The following ELK3 variants were observed in gnomAD, a reference collection of about 807,000 sequenced individuals.
ELK3 encodes ETS transcription factor ELK3.
Under a neutral mutation model 28.9 loss-of-function variants are expected in ELK3, and 10 were observed. The observed-to-expected ratio is 0.35, with a 90% CI of 0.21 to 0.59. The LOEUF (loss-of-function observed/expected upper bound fraction) is 0.59, where lower values mean the gene tolerates loss of function less well. Ranked by LOEUF, ELK3 falls within the 20% of genes least tolerant of loss-of-function variation. The probability of loss-of-function intolerance (pLI) is 0.82; values close to 1 mark genes in which losing one functional copy is unlikely to be tolerated. For missense variants in ELK3, 463 were observed against 517.3 expected (o/e 0.90, Z 1.02); for synonymous variants, 272 against 243.5 (o/e 1.12, Z -1.09).
intron 1 of ELK3, among the ~76,000 whole-genome samples, chr12:96,196,692 A>G (rs981568600): frequency 2.0e-5 from 3 of 151,630 alleles, no homozygotes; most frequent in African/African-American, 7.3e-5. Context: ...CTGAGTTTGA[A>G]AAGTGATGGC....
At chr12:96,228,302 C>T (rs1044249606) in intron 2 of ELK3, among the ~76,000 whole-genome samples, 1 of 150,632 alleles carries the variant, frequency 6.6e-6, no homozygotes, top group African/African-American at 2.4e-5. Context: ...CCTGTGGTCC[C>T]AGTTACTCCA....
chr12:96,211,004 C>T (rs1951574482), intron 1 of ELK3, among the ~76,000 whole-genome samples: 2 of 152,318 alleles, frequency 1.3e-5, no homozygotes, highest in Middle Eastern at 6.8e-3. Context: ...GAGCCAGATG[C>T]CCCTGGATAT....
chr12:96,196,428 G>T (rs1951468573), intron 1 of ELK3, among the ~76,000 whole-genome samples: 1 of 151,920 alleles, frequency 6.6e-6, no homozygotes, highest in African/African-American at 2.4e-5. Context: ...GGGTGGGGGG[G>T]GTGTGGAGCA....
chr12:96,234,926 C>T (rs1162741059), intron 2 of ELK3, among the ~76,000 whole-genome samples: 1 of 152,182 alleles, frequency 6.6e-6, no homozygotes. Context: ...CTGATGATTA[C>T]CCCAAGGGCA....
chr12:96,239,062 T>C lies in ELK3; in HGVS notation c.208-7878T>C, dbSNP rs145631648. ...CTGTGTGACCTTGGGCTAGTCAGCT[T>C]TTTAGTTCCTATTTCTTTCCCTTAA... On this transcript the variant is annotated intron_variant, in intron 2 of 4. Coordinates refer to ENST00000228741, the MANE Select transcript of ELK3 (RefSeq NM_005230.4). 9.7e-3 allele frequency among the ~76,000 whole-genome samples: 1,473 copies of C among 152,274 alleles called. 47 individuals carry two copies. The highest frequency in any genetic ancestry group is 0.06 in the Admixed American group (925 of 15,294).
intron 2 of ELK3, among the ~76,000 whole-genome samples, chr12:96,244,029 A>T (rs1288833732): frequency 6.7e-6 from 1 of 149,754 alleles, no homozygotes; most frequent in African/African-American, 2.5e-5. Context: ...AAAAAAATCT[A>T]TGATTCTGTT....
chr12:96,230,863 C>T (rs1951735907), intron 2 of ELK3, among the ~76,000 whole-genome samples: 1 of 152,182 alleles, frequency 6.6e-6, no homozygotes, highest in Non-Finnish European at 1.5e-5. Context: ...CATCCGAGCT[C>T]CACCAGGGAA....
chr12:96,223,966 A>T, intron 2 of ELK3, 193 bp downstream of exon 2: 1 of 602,312 alleles, frequency 1.7e-6, no homozygotes, highest in Non-Finnish European at 2.9e-6. Context: ...TTTGGATATT[A>T]CTGAGGGTCA....
At chr12:96,249,961 C>T (rs188332433) in intron 3 of ELK3, among the ~76,000 whole-genome samples, 212 of 152,264 alleles carry the variant, frequency 1.4e-3, no homozygotes, top group African/African-American at 5.0e-3. Flanking sequence ...GGTGCCTGGT[C>T]CTCAGCCAAG....
chr12:96,199,207 A>G (rs1292426182), intron 1 of ELK3, among the ~76,000 whole-genome samples: 1 of 152,236 alleles, frequency 6.6e-6, no homozygotes, highest in East Asian at 1.9e-4. Context: ...AAACCAGGTT[A>G]AACTGAAAAT....
intron 2 of ELK3, among the ~76,000 whole-genome samples, chr12:96,238,251 GA>G (rs1481374805): frequency 6.6e-6 from 1 of 152,250 alleles, no homozygotes; most frequent in Non-Finnish European, 1.5e-5. Flanking sequence ...GGACCTGTGT[GA>G]GTGAGGCACT....
intron 1 of ELK3, among the ~76,000 whole-genome samples, chr12:96,210,597 A>ACCCCC (rs1555193042): frequency 4.7e-4 from 70 of 149,060 alleles, no homozygotes; most frequent in Admixed American, 1.9e-3. Flanking sequence ...ACACACACAC[A>ACCCCC]CCCCGAGTGG....
At chr12:96,228,557 G>T (rs771382799) in intron 2 of ELK3, among the ~76,000 whole-genome samples, 1 of 151,942 alleles carries the variant, frequency 6.6e-6, no homozygotes, top group Admixed American at 6.6e-5. Context: ...GCACTTTGTC[G>T]TGCTTTTTAA....
At chr12:96,260,223 T>C (rs895771984) in intron 4 of ELK3, among the ~76,000 whole-genome samples, 1 of 152,124 alleles carries the variant, frequency 6.6e-6, no homozygotes, top group Admixed American at 6.6e-5. Flanking sequence ...GGTGGGAGGA[T>C]TGTTTGAGCC....
intron 3 of ELK3, among the ~76,000 whole-genome samples, chr12:96,248,554 C>G (rs1035936526): frequency 6.6e-6 from 1 of 152,152 alleles, no homozygotes; most frequent in Non-Finnish European, 1.5e-5. Context: ...TTCCTGGCTA[C>G]CCTGCTTCCT....
At chr12:96,222,278 G>A (rs1280584124) in intron 1 of ELK3, among the ~76,000 whole-genome samples, 1 of 152,154 alleles carries the variant, frequency 6.6e-6, no homozygotes, top group Non-Finnish European at 1.5e-5. Context: ...GGCCCTATTT[G>A]AGCTGGGTCA....
At chr12:96,253,878 A>G (rs1229523810) in intron 3 of ELK3, among the ~76,000 whole-genome samples, 1 of 152,248 alleles carries the variant, frequency 6.6e-6, no homozygotes, top group Admixed American at 6.5e-5. Context: ...TACAGAGGTT[A>G]GCAAGATAGA....
intron 1 of ELK3, among the ~76,000 whole-genome samples, chr12:96,213,315 A>G (rs1034135764): frequency 6.6e-6 from 1 of 152,222 alleles, no homozygotes; most frequent in Non-Finnish European, 1.5e-5. Flanking sequence ...AAGCCCAGAA[A>G]GAACAAACTC....
chr12:96,254,239 C>T (rs1420627442), intron 3 of ELK3, among the ~76,000 whole-genome samples: 4 of 152,128 alleles, frequency 2.6e-5, no homozygotes, highest in African/African-American at 7.2e-5. Context: ...GCAGGAGAAT[C>T]GCTTGAACCC....
Sources: gnomAD v4.1 joint callset for allele counts (sites outside exome capture counted in the v4.1 genomes callset) on GRCh38, gnomAD v4.1.1 for gene constraint, MANE v1.5 for transcripts, NCBI Gene and HGNC (gene_info 2026-07-23, HGNC 2026-07-21) for gene names.